Variants in BTBD10 observed in about 807,000 individuals in gnomAD.
BTBD10 encodes the protein BTB domain containing 10, also known as BTB/POZ domain-containing protein 10.
BTBD10 carries 21 observed loss-of-function variants against 53.2 expected under a neutral mutation model. That is an observed-to-expected ratio of 0.39 (90% CI 0.28 to 0.57). The LOEUF is 0.57. BTBD10 is among the 20% of genes least tolerant of loss of function. The probability of loss-of-function intolerance (pLI) is 0.53; values close to 1 mark genes in which losing one functional copy is unlikely to be tolerated. For missense variants in BTBD10, 360 were observed against 594.7 expected (o/e 0.61, Z 4.10); for synonymous variants, 149 against 192.7 (o/e 0.77, Z 1.88).
intron 8 of BTBD10, among the ~76,000 whole-genome samples, chr11:13,394,390 A>G (rs1172624589): frequency 6.6e-6 from 1 of 152,138 alleles, no homozygotes; most frequent in Non-Finnish European, 1.5e-5. Flanking sequence ...TCCTGCCACC[A>G]TGTGAAGAAG....
chr11:13,457,169 A>G (rs1235748949), intron 1 of BTBD10, among the ~76,000 whole-genome samples: 2 of 152,146 alleles, frequency 1.3e-5, no homozygotes, highest in Non-Finnish European at 2.9e-5. Flanking sequence ...CTCAAAAAAA[A>G]TTAAATAAAT....
At chr11:13,421,294 A>G (rs1260665014) in intron 3 of BTBD10, among the ~76,000 whole-genome samples, 2 of 152,240 alleles carry the variant, frequency 1.3e-5, no homozygotes, top group Admixed American at 1.3e-4. Flanking sequence ...TGTTAGCATG[A>G]TAATAACTAA....
intron 8 of BTBD10, 120 bp downstream of exon 8, chr11:13,403,048 G>A: frequency 1.6e-6 from 1 of 641,708 alleles, no homozygotes; most frequent in Non-Finnish European, 2.7e-6. Flanking sequence ...ATAAGCATGT[G>A]GTAATCATTT....
At chr11:13,392,003 C>A (rs993619564) in intron 8 of BTBD10, among the ~76,000 whole-genome samples, 12 of 152,172 alleles carry the variant, frequency 7.9e-5, no homozygotes, top group African/African-American at 2.9e-4. Context: ...AAGCCTGCCC[C>A]TGACTTGCAG....
intron 1 of BTBD10, among the ~76,000 whole-genome samples, chr11:13,461,197 A>C (rs72857077): frequency 0.11 from 16,056 of 152,236 alleles, 950 homozygotes; most frequent in Middle Eastern, 0.15. Flanking sequence ...CAGAGCTTCT[A>C]AACTGGAGAG....
chr11:13,422,925 T>C (rs770479361), intron 2 of BTBD10, among the ~76,000 whole-genome samples: 1 of 152,184 alleles, frequency 6.6e-6, no homozygotes, highest in Non-Finnish European at 1.5e-5. Context: ...GTAGCAATAA[T>C]AGATAAACAT....
At chr11:13,432,625 T>TAAACACACAA (rs1950470330) in intron 2 of BTBD10, among the ~76,000 whole-genome samples, 1 of 151,852 alleles carries the variant, frequency 6.6e-6, no homozygotes, top group African/African-American at 2.4e-5. Context: ...CACAAAACTG[T>TAAACACACAA]AATAAATTCA....
intron 2 of BTBD10, among the ~76,000 whole-genome samples, chr11:13,428,051 C>T (rs1950377247): frequency 6.6e-6 from 1 of 151,916 alleles, no homozygotes; most frequent in African/African-American, 2.4e-5. Flanking sequence ...AGAAAAATGA[C>T]ATCAGTCAAT....
At chr11:13,392,799 A>T (rs182858545) in intron 8 of BTBD10, among the ~76,000 whole-genome samples, 3 of 152,182 alleles carry the variant, frequency 2.0e-5, no homozygotes, top group Non-Finnish European at 2.9e-5. Context: ...TTCTATGGGA[A>T]CTGTAATTCC....
intron 8 of BTBD10, among the ~76,000 whole-genome samples, chr11:13,398,486 C>T (rs1449557434): frequency 6.6e-6 from 1 of 152,166 alleles, no homozygotes; most frequent in Non-Finnish European, 1.5e-5. Context: ...TGGGTCTTGA[C>T]TCTTTATCCA....
At chr11:13,421,027 T>C (rs929829750) in intron 3 of BTBD10, among the ~76,000 whole-genome samples, 1 of 152,198 alleles carries the variant, frequency 6.6e-6, no homozygotes, top group Non-Finnish European at 1.5e-5. Context: ...AAGTTTTAAT[T>C]TGTCCCTTCT....
At chr11:13,392,380 C>G (rs971008388) in intron 8 of BTBD10, among the ~76,000 whole-genome samples, 3 of 152,022 alleles carry the variant, frequency 2.0e-5, no homozygotes, top group African/African-American at 7.2e-5. Context: ...GCTAGAGAGG[C>G]AGGAACACAG....
intron 8 of BTBD10, among the ~76,000 whole-genome samples, chr11:13,392,904 G>A (rs1201721099): frequency 6.6e-6 from 1 of 152,184 alleles, no homozygotes; most frequent in African/African-American, 2.4e-5. Flanking sequence ...CTGAGTTCAG[G>A]ACAAGGACTA....
At position 13,419,653 on chromosome 11, in the gene BTBD10, T is replaced by G. The variant is rs769421195; in HGVS notation, c.391A>C (p.Ser131Arg). The change falls in exon 4 of 9, where the codon AGC (serine) becomes CGC (arginine). Residue 131 changes from serine to arginine, a missense_variant. Transcript: ENST00000278174. ...NGSISSAGNS[S>R]RNSSQSSSDG... is the part of the protein sequence containing the mutation. ...GAACTTGACTGACTACTGTTTCTGC[T>G]GCTGTTCCCAGCACTGCTAATGGAA... The G allele has an allele frequency of 6.8e-6, 11 of 1,614,162 alleles. No individual in the cohort carries two copies. In the South Asian group the frequency reaches 8.8e-5, roughly 13 times the overall value.
intron 6 of BTBD10, among the ~76,000 whole-genome samples, chr11:13,410,648 T>C (rs180875904): frequency 9.8e-5 from 15 of 152,312 alleles, no homozygotes; most frequent in Admixed American, 7.2e-4. Flanking sequence ...ATTTATAACA[T>C]AGTCAATTAA....
At chr11:13,424,512 T>C (rs753474524) in intron 2 of BTBD10, among the ~76,000 whole-genome samples, 1 of 152,232 alleles carries the variant, frequency 6.6e-6, no homozygotes, top group Non-Finnish European at 1.5e-5. Flanking sequence ...TTTAATTCAA[T>C]ACTTTCAGAT....
intron 8 of BTBD10, among the ~76,000 whole-genome samples, chr11:13,393,376 T>A (rs758351425): frequency 2.6e-5 from 4 of 152,198 alleles, no homozygotes; most frequent in African/African-American, 7.2e-5. Context: ...ACACATTTAA[T>A]ATTCTAATAA....
At chr11:13,434,100 C>T (rs2134005151) in intron 2 of BTBD10, among the ~76,000 whole-genome samples, 1 of 152,146 alleles carries the variant, frequency 6.6e-6, no homozygotes, top group South Asian at 2.1e-4. Flanking sequence ...CCAGATTACC[C>T]CCACAAAGAC....
At chr11:13,392,286 A>G (rs1949429024) in intron 8 of BTBD10, among the ~76,000 whole-genome samples, 1 of 152,208 alleles carries the variant, frequency 6.6e-6, no homozygotes, top group Non-Finnish European at 1.5e-5. Context: ...TTCATGGATG[A>G]GCAAGATTGG....
Sources: gnomAD v4.1 joint callset for allele counts (sites outside exome capture counted in the v4.1 genomes callset) on GRCh38, gnomAD v4.1.1 for gene constraint, MANE v1.5 for transcripts, NCBI Gene and HGNC (gene_info 2026-07-23, HGNC 2026-07-21) for gene names.